The following GAPVD1 variants were observed in gnomAD, a reference collection of about 807,000 sequenced individuals.
GAPVD1 encodes GTPase-activating protein and VPS9 domain-containing protein 1.
Under a neutral mutation model 155.5 loss-of-function variants are expected in GAPVD1, and 35 were observed. That is an observed-to-expected ratio of 0.23 (90% CI 0.17 to 0.30). The LOEUF is 0.30. Among genes scored for constraint, GAPVD1 ranks in the 10% least tolerant of loss-of-function variants. GAPVD1 has a pLI of 1.00. For synonymous variants in GAPVD1, 636 were observed against 619.7 expected, an observed-to-expected ratio of 1.03 and a Z score of -0.39; for missense variants, 1,429 against 1,775.7, an observed-to-expected ratio of 0.80 and a Z score of 3.51.
intron 27 of GAPVD1, 38 bp from the exon 28 acceptor site, chr9:125,362,568 C>T: frequency 1.3e-6 from 2 of 1,536,282 alleles, no homozygotes; most frequent in Non-Finnish European, 1.8e-6. Context: ...GCTATGACAT[C>T]TGAGTAATTG....
intron 2 of GAPVD1, among the ~76,000 whole-genome samples, chr9:125,292,105 T>C (rs1474832398): frequency 6.6e-6 from 1 of 151,990 alleles, no homozygotes; most frequent in Non-Finnish European, 1.5e-5. Context: ...TAGCTGGCTG[T>C]AGTGTCATAT....
chr9:125,334,684 G>A (rs1438966965), intron 15 of GAPVD1, among the ~76,000 whole-genome samples: 1 of 152,034 alleles, frequency 6.6e-6, no homozygotes, highest in Non-Finnish European at 1.5e-5. Context: ...AGGAGTCCTT[G>A]AGCCCAGGAG....
chr9:125,346,378 G>A (rs997582968), intron 19 of GAPVD1: 2 of 205,204 alleles, frequency 9.7e-6, no homozygotes, highest in Non-Finnish European at 2.0e-5. Flanking sequence ...AAAGACATTT[G>A]TTATTATTTA....
At chr9:125,347,618 G>T (rs1449242764) in intron 20 of GAPVD1, among the ~76,000 whole-genome samples, 1 of 151,972 alleles carries the variant, frequency 6.6e-6, no homozygotes, top group Non-Finnish European at 1.5e-5. Context: ...TCCTCAGATG[G>T]TTGAGGCATA....
At chr9:125,345,409 G>C (rs1848386502) in intron 19 of GAPVD1, among the ~76,000 whole-genome samples, 1 of 152,134 alleles carries the variant, frequency 6.6e-6, no homozygotes, top group South Asian at 2.1e-4. Context: ...TCGAACTCCT[G>C]ACCGTGGGTG....
intron 6 of GAPVD1, among the ~76,000 whole-genome samples, chr9:125,306,012 A>G (rs1481379945): frequency 6.6e-6 from 1 of 152,206 alleles, no homozygotes; most frequent in Non-Finnish European, 1.5e-5. Context: ...TGTTCAATTA[A>G]TATAGTTAAA....
rs369430300 is a variant in GAPVD1, at chr9:125,305,620, C to T, written c.1116+471C>T. Among the ~76,000 whole-genome samples the T allele has an allele frequency of 7.5e-4, 114 of 152,216 alleles. 1 individual carries two copies. In the East Asian group the frequency reaches 0.016, roughly 21 times the overall value. On this transcript the variant is annotated intron_variant, in intron 6 of 27. Coordinates refer to ENST00000297933, the MANE Select transcript of GAPVD1 (RefSeq NM_001282680.3). ...TCATGGCCTCGTGATCCACCTGCCT[C>T]GGCCTCCCAAAGTGCTAGGATTACA...
chr9:125,312,440 A>G lies in GAPVD1; in HGVS notation c.1442-12A>G. 1 of 1,536,976 alleles carries G rather than the reference A, an allele frequency of 6.5e-7. No individual in the cohort carries two copies. Reference sequence around the variant, plus strand: ...ATTTCTCTAAATTATTTTATTTGAAATTTTTTATTAGCAACTCGGAGCAGA... The same window carrying G: ...ATTTCTCTAAATTATTTTATTTGAAGTTTTTTATTAGCAACTCGGAGCAGA... On this transcript the variant is annotated splice_polypyrimidine_tract_variant and intron_variant, in intron 8 of 27. Coordinates refer to ENST00000297933, the MANE Select transcript of GAPVD1 (RefSeq NM_001282680.3).
intron 17 of GAPVD1, among the ~76,000 whole-genome samples, chr9:125,338,930 T>A (rs1215988300): frequency 1.1e-5 from 1 of 88,782 alleles, no homozygotes; most frequent in Admixed American, 1.5e-4. Flanking sequence ...TAAAAAAATT[T>A]GTGTGTGTGT....
intron 17 of GAPVD1, among the ~76,000 whole-genome samples, 195 bp downstream of exon 17, chr9:125,337,786 C>T (rs944341516): frequency 6.6e-6 from 1 of 152,194 alleles, no homozygotes; most frequent in African/African-American, 2.4e-5. Context: ...GTGATACTAT[C>T]TTGCATTTTT....
intron 18 of GAPVD1, chr9:125,341,503 AT>A (rs750909891): frequency 5.1e-6 from 2 of 390,140 alleles, no homozygotes; most frequent in Non-Finnish European, 9.2e-6. Context: ...GCCTGTCACT[AT>A]TGTTTAAATA....
At chr9:125,278,483 T>C (rs1310368845) in intron 2 of GAPVD1, among the ~76,000 whole-genome samples, 7 of 151,754 alleles carry the variant, frequency 4.6e-5, no homozygotes. Flanking sequence ...ATCATGCCAC[T>C]ACCCTCCAGC....
intron 19 of GAPVD1, among the ~76,000 whole-genome samples, chr9:125,343,393 T>G (rs1306535900): frequency 6.6e-6 from 1 of 152,156 alleles, no homozygotes; most frequent in African/African-American, 2.4e-5. Flanking sequence ...AAAATTTTTT[T>G]CATTAAACAA....
intron 2 of GAPVD1, among the ~76,000 whole-genome samples, chr9:125,274,521 T>C (rs1835450130): frequency 6.7e-6 from 1 of 149,658 alleles, no homozygotes; most frequent in Non-Finnish European, 1.5e-5. Context: ...TGGAGTGCAA[T>C]GGTGCAATCT....
chr9:125,351,450 A>G (rs1298229802), intron 23 of GAPVD1, among the ~76,000 whole-genome samples: 1 of 152,218 alleles, frequency 6.6e-6, no homozygotes, highest in Admixed American at 6.5e-5. Flanking sequence ...CATTAACTCA[A>G]AAGTCCACAG....
intron 5 of GAPVD1, among the ~76,000 whole-genome samples, chr9:125,304,523 C>G (rs947048765): frequency 6.6e-6 from 1 of 152,254 alleles, no homozygotes; most frequent in African/African-American, 2.4e-5. Context: ...TAACTTTCAT[C>G]ATTAGCCTTT....
At chr9:125,341,417 T>C in intron 18 of GAPVD1, 153 bp downstream of exon 18, 1 of 571,784 alleles carries the variant, frequency 1.7e-6, no homozygotes, top group South Asian at 2.2e-5. Flanking sequence ...TCCACTCAGA[T>C]GAATGCTAAG....
chr9:125,330,801 C>T (rs1048211673), intron 13 of GAPVD1, among the ~76,000 whole-genome samples: 5 of 152,138 alleles, frequency 3.3e-5, no homozygotes, highest in Admixed American at 3.3e-4. Context: ...TATCAGAGTC[C>T]GTGTGAATCA....
intron 2 of GAPVD1, among the ~76,000 whole-genome samples, chr9:125,283,028 T>TTTTATTTTTA (rs1554753041): frequency 2.8e-5 from 4 of 143,324 alleles, no homozygotes; most frequent in Non-Finnish European, 4.5e-5. Flanking sequence ...TTATTTTTAT[T>TTTTATTTTTA]TTTATTTATT....
Sources: gnomAD v4.1 joint callset for allele counts (sites outside exome capture counted in the v4.1 genomes callset) on GRCh38, gnomAD v4.1.1 for gene constraint, MANE v1.5 for transcripts, NCBI Gene and HGNC (gene_info 2026-07-23, HGNC 2026-07-21) for gene names.